The following GLRA2 variants were observed in gnomAD, a reference collection of about 807,000 sequenced individuals.
The protein encoded by GLRA2 is glycine receptor subunit alpha-2.
In GLRA2, 11 loss-of-function variants were observed where a neutral mutation model predicts 31.6. That is an observed-to-expected ratio of 0.35 (90% CI 0.22 to 0.58). GLRA2 has a LOEUF of 0.58. GLRA2 is among the 20% of genes least tolerant of loss of function. The probability of loss-of-function intolerance (pLI) is 0.84; values close to 1 mark genes in which losing one functional copy is unlikely to be tolerated. For synonymous variants in GLRA2, 132 were observed against 134.0 expected (o/e 0.99, Z 0.10); for missense variants, 212 against 351.8 (o/e 0.60, Z 3.18).
At chrX:14,640,012 C>G (rs1263679182) in intron 7 of GLRA2, among the ~76,000 whole-genome samples, 1 of 112,162 alleles carries the variant, frequency 8.9e-6, no homozygotes, top group Admixed American at 9.5e-5. Flanking sequence ...CCTTGCAACT[C>G]TGTTCCTATG....
chrX:14,599,223 T>C (rs1419645281), intron 4 of GLRA2, among the ~76,000 whole-genome samples: 1 of 112,402 alleles, frequency 8.9e-6, no homozygotes, highest in Non-Finnish European at 1.9e-5. Context: ...CGGACAATAA[T>C]GCTTCAGGAA....
intron 2 of GLRA2, among the ~76,000 whole-genome samples, chrX:14,568,624 C>T (rs1243403887): frequency 1.9e-5 from 2 of 102,620 alleles, no homozygotes; most frequent in South Asian, 9.2e-4. Flanking sequence ...GCCTGGGAGG[C>T]GGAGGTTGCA....
chrX:14,711,438 G>A (rs1394256823), intron 8 of GLRA2, among the ~76,000 whole-genome samples: 1 of 112,191 alleles, frequency 8.9e-6, no homozygotes, highest in African/African-American at 3.2e-5. Flanking sequence ...GTTTCACATA[G>A]AGCTGAGGCG....
chrX:14,690,691 GTC>G lies in GLRA2; in HGVS notation c.931-4_931-3del, dbSNP rs752610633. On this transcript the variant is annotated splice_polypyrimidine_tract_variant and intron_variant, in intron 7 of 8. Coordinates refer to ENST00000218075, the MANE Select transcript of GLRA2 (RefSeq NM_002063.4). Reference sequence around the variant, plus strand: ...TCTCTCTCTCTCTGTGTGTGTGTGTGTCTCTCTCTCTCTCTCAGGTCTCCTAT... The same window carrying G: ...TCTCTCTCTCTCTGTGTGTGTGTGTGTCTCTCTCTCTCTCAGGTCTCCTAT... The G allele has an allele frequency of 8.7e-3, 7,234 of 833,596 alleles. No homozygotes were observed. Among genetic ancestry groups the G allele is most frequent in the Non-Finnish European group, 0.011 (6,357 of 596,764 alleles). 68.7% of individuals were successfully genotyped at this position (833,596 alleles called of 1,213,427 possible).
chrX:14,519,823 A>G, the GLRA2 span, among the ~76,000 whole-genome samples: 1 of 112,159 alleles, frequency 8.9e-6, no homozygotes, highest in African/African-American at 3.2e-5. Context: ...ATAATGCTTC[A>G]TATTACTTTG....
the GLRA2 span, among the ~76,000 whole-genome samples, chrX:14,520,128 A>T: frequency 3.6e-5 from 4 of 112,117 alleles, no homozygotes; most frequent in African/African-American, 9.7e-5. Context: ...CAGAAGAGGC[A>T]TTTTATGGAA....
chrX:14,503,927 T>G, the GLRA2 span, among the ~76,000 whole-genome samples: 5 of 111,891 alleles, frequency 4.5e-5, no homozygotes, highest in Admixed American at 3.8e-4. Flanking sequence ...TTTGATTTAT[T>G]TGTGTTTCAA....
chrX:14,663,582 A>C lies in GLRA2; in HGVS notation c.931-27128A>C, dbSNP rs2091012425. Among the ~76,000 whole-genome samples, 5 of 111,481 alleles carry C rather than the reference A, an allele frequency of 4.5e-5. No homozygotes were observed. The Admixed American group carries it at 4.8e-4, about 11-fold the overall frequency. ...AGTCTCACTTAGGAAAATGGATGTA[A>C]AAATGCTATGTAGCAAACAATTCAG... On this transcript the variant is annotated intron_variant, in intron 7 of 8. Coordinates refer to ENST00000218075, the MANE Select transcript of GLRA2 (RefSeq NM_002063.4).
At chrX:14,699,728 C>T (rs188054659) in intron 8 of GLRA2, among the ~76,000 whole-genome samples, 253 of 111,661 alleles carry the variant, frequency 2.3e-3, no homozygotes, top group Non-Finnish European at 3.4e-3. Context: ...TCTCCCTCCC[C>T]CTCATTTTCT....
chrX:14,715,233 T>A (rs1173548096), intron 8 of GLRA2, among the ~76,000 whole-genome samples: 1 of 112,448 alleles, frequency 8.9e-6, no homozygotes, highest in Non-Finnish European at 1.9e-5. Flanking sequence ...GGACGGTGTT[T>A]CAAAAATAGA....
At chrX:14,508,840 G>T in the GLRA2 span, among the ~76,000 whole-genome samples, 1 of 111,634 alleles carries the variant, frequency 9.0e-6, no homozygotes, top group African/African-American at 3.3e-5. Flanking sequence ...TCTGCTAAAT[G>T]GTAGAACCAG....
At chrX:14,696,608 A>T (rs1241593428) in intron 8 of GLRA2, among the ~76,000 whole-genome samples, 3 of 111,887 alleles carry the variant, frequency 2.7e-5, no homozygotes, top group African/African-American at 9.8e-5. Context: ...AAAGGAGTAC[A>T]ACTAATAAAG....
chrX:14,663,016 T>C (rs1009069122), intron 7 of GLRA2, among the ~76,000 whole-genome samples: 4 of 111,899 alleles, frequency 3.6e-5, no homozygotes, highest in African/African-American at 1.3e-4. Context: ...TAGTAGATTT[T>C]TCAGTTGGTT....
At chrX:14,474,561 C>G in the GLRA2 span, among the ~76,000 whole-genome samples, 3 of 111,061 alleles carry the variant, frequency 2.7e-5, no homozygotes, top group African/African-American at 6.6e-5. Flanking sequence ...TTCTTCTGGG[C>G]TTGGTGGGCT....
At chrX:14,691,356 G>A (rs1480145086) in intron 8 of GLRA2, among the ~76,000 whole-genome samples, 2 of 107,523 alleles carry the variant, frequency 1.9e-5, no homozygotes, top group African/African-American at 6.8e-5. Flanking sequence ...TCACTGATCT[G>A]ATTGACTTTT....
chrX:14,704,688 T>C (rs2091594904), intron 8 of GLRA2, among the ~76,000 whole-genome samples: 1 of 111,008 alleles, frequency 9.0e-6, no homozygotes, highest in Non-Finnish European at 1.9e-5. Flanking sequence ...TGTGCAGGAG[T>C]GGGTAAAAGG....
chrX:14,694,341 T>G (rs947592596), intron 8 of GLRA2, among the ~76,000 whole-genome samples: 2 of 112,226 alleles, frequency 1.8e-5, no homozygotes, highest in African/African-American at 6.5e-5. Flanking sequence ...ATTCAAAAGA[T>G]GTTTATTGAG....
At chrX:14,525,251 A>G (rs186937713), upstream of GLRA2, among the ~76,000 whole-genome samples, 26 of 111,788 alleles carry the variant, frequency 2.3e-4, no homozygotes, top group East Asian at 7.3e-3. Flanking sequence ...TAAAAAGAGT[A>G]CAGAATAAGG....
At chrX:14,489,177 GT>G in the GLRA2 span, among the ~76,000 whole-genome samples, 1 of 111,962 alleles carries the variant, frequency 8.9e-6, no homozygotes, top group Non-Finnish European at 1.9e-5. Context: ...ATTTAAAATG[GT>G]TTTTGAATTG....
Sources: allele counts gnomAD v4.1 joint callset (sites outside exome capture counted in the v4.1 genomes callset), GRCh38; gene constraint gnomAD v4.1.1; transcripts MANE v1.5; gene names NCBI Gene and HGNC (gene_info 2026-07-23, HGNC 2026-07-21).